Variants in CDC42BPB observed in about 807,000 individuals in gnomAD.
CDC42BPB encodes the protein CDC42 binding protein kinase beta, also known as serine/threonine-protein kinase MRCK beta.
In CDC42BPB, 37 loss-of-function variants were observed where a neutral mutation model predicts 214.9. The ratio of observed to expected loss-of-function variants is 0.17; its 90% CI spans 0.13 to 0.23. CDC42BPB has a LOEUF of 0.23. Among genes scored for constraint, CDC42BPB ranks in the 10% least tolerant of loss-of-function variants. The pLI, the probability that CDC42BPB is intolerant of heterozygous loss-of-function variation, is 1.00. For missense variants in CDC42BPB, 1,694 were observed against 2,227.0 expected, an observed-to-expected ratio of 0.76 and a Z score of 4.82; for synonymous variants, 931 against 884.0, an observed-to-expected ratio of 1.05 and a Z score of -0.94.
intron 5 of CDC42BPB, 121 bp from the exon 6 acceptor site, chr14:102,986,701 C>T (rs989824859): frequency 2.1e-6 from 3 of 1,409,312 alleles, no homozygotes; most frequent in Non-Finnish European, 1.9e-6. Flanking sequence ...ACAGCTGTCA[C>T]CATCCAGTAC....
intron 2 of CDC42BPB, 100 bp from the exon 3 acceptor site, chr14:103,008,655 G>C (rs959909159): frequency 2.6e-6 from 4 of 1,525,234 alleles, no homozygotes; most frequent in South Asian, 1.3e-5. Flanking sequence ...CCAGGAGCCT[G>C]TGAAACCAGC....
intron 5 of CDC42BPB, among the ~76,000 whole-genome samples, chr14:102,989,808 G>A (rs949216510): frequency 2.0e-5 from 3 of 151,048 alleles, no homozygotes; most frequent in South Asian, 2.1e-4. Flanking sequence ...GCAGTGAGCC[G>A]AGATCGCACC....
At chr14:103,020,339 G>T (rs980438163) in intron 1 of CDC42BPB, among the ~76,000 whole-genome samples, 1 of 152,282 alleles carries the variant, frequency 6.6e-6, no homozygotes, top group East Asian at 1.9e-4. Context: ...CCACAGCGTG[G>T]TTCTCTCCTG....
chr14:102,984,030 G>A (rs992113893), intron 6 of CDC42BPB: 5 of 231,624 alleles, frequency 2.2e-5, no homozygotes, highest in African/African-American at 4.7e-5. Flanking sequence ...TGTCTCTAAC[G>A]AAACAAAACG....
In CDC42BPB at chr14:102,933,846, G is replaced by A; in HGVS notation, c.5005-3C>T. On this transcript the variant is annotated splice_region_variant and splice_polypyrimidine_tract_variant and intron_variant, in intron 36 of 36. Transcript: ENST00000361246. Reference sequence around the variant, plus strand: ...TGTTTGGTGGAGTCCGAATCAGGCTGTGAACAGGAAGAGGGCAGGGTGAGC... The same window carrying A: ...TGTTTGGTGGAGTCCGAATCAGGCTATGAACAGGAAGAGGGCAGGGTGAGC... The A allele has an allele frequency of 2.0e-6, 3 of 1,521,194 alleles. No homozygotes were observed. Among genetic ancestry groups the A allele is most frequent in the Non-Finnish European group, 2.6e-6 (3 of 1,141,586 alleles). The allele number at this position is 1,521,194 out of a possible 1,614,324, so 94.2% of individuals were successfully genotyped here.
At chr14:103,036,652 G>A (rs1274208324) in intron 1 of CDC42BPB, among the ~76,000 whole-genome samples, 2 of 152,092 alleles carry the variant, frequency 1.3e-5, no homozygotes, top group African/African-American at 2.4e-5. Context: ...TGCAGTTAGA[G>A]AATAAAATGC....
At chr14:103,048,722 A>C (rs1404848655) in intron 1 of CDC42BPB, among the ~76,000 whole-genome samples, 2 of 149,886 alleles carry the variant, frequency 1.3e-5, no homozygotes, top group Non-Finnish European at 3.0e-5. Context: ...AAAAAAAAAA[A>C]AATTAGCCAG....
intron 1 of CDC42BPB, among the ~76,000 whole-genome samples, chr14:103,047,395 T>C (rs973461762): frequency 2.0e-5 from 3 of 151,440 alleles, no homozygotes; most frequent in East Asian, 1.9e-4. Context: ...CAAAGAACAT[T>C]AGAGATAAAC....
At position 102,933,031 on chromosome 14, in the gene CDC42BPB, G is replaced by A. The variant is rs977846231; in HGVS notation, c.*681C>T. ...ATGGCAGGAGGCAGAAGCCGTGGAA[G>A]CGAATGGAAAACAGCACAGCTGACT... On this transcript the variant is annotated 3_prime_UTR_variant, in exon 37 of 37. Coordinates refer to ENST00000361246, the MANE Select transcript of CDC42BPB (RefSeq NM_006035.4). 3 of 152,414 alleles carry A rather than the reference G, an allele frequency of 2.0e-5. No homozygotes were observed. The highest frequency in any genetic ancestry group is 7.2e-5 in the African/African-American group (3 of 41,444). The allele number at this position is 152,414 out of a possible 1,614,324, so 9.4% of individuals were successfully genotyped here.
In CDC42BPB at chr14:102,986,158, C is replaced by G. The variant is rs35103085; in HGVS notation, c.690+329G>C. On this transcript the variant is annotated intron_variant, in intron 6 of 36. Transcript: ENST00000361246. Reference sequence around the variant, plus strand: ...CCACCCGACCAGCCTGGACAGGGCCCTTTAAGGAAGAAGCAGGGAGCGCCC... The same window carrying G: ...CCACCCGACCAGCCTGGACAGGGCCGTTTAAGGAAGAAGCAGGGAGCGCCC... The G allele has an allele frequency of 4.1e-3, 1,154 of 280,730 alleles. 11 individuals carry two copies. The highest frequency in any genetic ancestry group is 0.024 in the African/African-American group (1,088 of 44,836). The allele number at this position is 280,730 out of a possible 1,614,324, so 17.4% of individuals were successfully genotyped here.
chr14:103,037,319 G>A (rs557955114), intron 1 of CDC42BPB, among the ~76,000 whole-genome samples: 15 of 151,640 alleles, frequency 9.9e-5, no homozygotes, highest in African/African-American at 2.4e-4. Context: ...TTTTGACAGC[G>A]TCTCACTGTG....
chr14:103,020,278 A>C (rs1420140419), intron 1 of CDC42BPB, among the ~76,000 whole-genome samples: 3 of 152,210 alleles, frequency 2.0e-5, no homozygotes, highest in Non-Finnish European at 4.4e-5. Flanking sequence ...GCCAAGCAAC[A>C]TGCAGAGGAC....
chr14:102,982,372 G>A (rs1459885297), intron 7 of CDC42BPB, among the ~76,000 whole-genome samples: 4 of 152,226 alleles, frequency 2.6e-5, no homozygotes, highest in African/African-American at 7.2e-5. Context: ...GGACAGGCCA[G>A]CACTCAATCA....
chr14:102,994,091 G>A (rs1028944312), intron 5 of CDC42BPB, among the ~76,000 whole-genome samples: 2 of 152,146 alleles, frequency 1.3e-5, no homozygotes, highest in Non-Finnish European at 2.9e-5. Context: ...AGGAGGCGCC[G>A]AGACACGCCA....
intron 1 of CDC42BPB, among the ~76,000 whole-genome samples, chr14:103,053,382 G>A (rs1440531936): frequency 7.3e-5 from 11 of 151,172 alleles, no homozygotes; most frequent in African/African-American, 2.7e-4. Flanking sequence ...GAATACACAC[G>A]CAAAGCTGGG....
At chr14:102,995,002 G>T (rs1184797422) in intron 5 of CDC42BPB, among the ~76,000 whole-genome samples, 2 of 152,144 alleles carry the variant, frequency 1.3e-5, no homozygotes, top group Admixed American at 1.3e-4. Context: ...CTTTTTGTCA[G>T]ATTTCCTCTA....
chr14:102,983,706 G>A lies in CDC42BPB; in HGVS notation c.741C>T (p.Ile247=). ...CCATGCCGTCCTCCATCGCCTGCAG[G>A]ATCTCCGGCGAGATGTAGTCAGGTG... ...VGTPDYISPE[I]LQAMEDGMGK... is the part of the protein sequence containing the mutation. Residue 247 remains isoleucine, a synonymous_variant, in exon 7 of 37, where the codon ATC becomes ATT. Transcript: ENST00000361246. The A allele has an allele frequency of 6.2e-7, 1 of 1,613,894 alleles. No individual in the cohort carries two copies. The highest frequency in any genetic ancestry group is 8.5e-7 in the Non-Finnish European group (1 of 1,180,046).
intron 6 of CDC42BPB, chr14:102,986,243 C>T (rs924302507): frequency 6.3e-5 from 26 of 410,142 alleles, no homozygotes; most frequent in African/African-American, 5.1e-4. Context: ...AACCTGACAA[C>T]TCCCATTCTG....
intron 23 of CDC42BPB, among the ~76,000 whole-genome samples, chr14:102,953,967 A>C (rs1377951328): frequency 4.6e-5 from 7 of 152,170 alleles, no homozygotes; most frequent in African/African-American, 1.7e-4. Flanking sequence ...TTTCCAATTA[A>C]AATATATTTG....
Sources: allele counts gnomAD v4.1 joint callset (sites outside exome capture counted in the v4.1 genomes callset), GRCh38; gene constraint gnomAD v4.1.1; transcripts MANE v1.5; gene names NCBI Gene and HGNC (gene_info 2026-07-23, HGNC 2026-07-21).